The following THADA variants were observed in gnomAD, a reference collection of about 807,000 sequenced individuals.
The protein encoded by THADA is tRNA (32-2'-O)-methyltransferase regulator THADA.
In THADA, 213 loss-of-function variants were observed where a neutral mutation model predicts 219.8. The ratio of observed to expected loss-of-function variants is 0.97; its 90% CI spans 0.87 to 1.09. THADA has a LOEUF of 1.09. Ranked by LOEUF, THADA falls within the 50% of genes least tolerant of loss-of-function variation. The probability of loss-of-function intolerance (pLI) is 0.00; values close to 1 mark genes in which losing one functional copy is unlikely to be tolerated. For missense variants in THADA, 2,956 were observed against 2,311.3 expected, an observed-to-expected ratio of 1.28 and a Z score of -5.72; for synonymous variants, 1,018 against 828.9, an observed-to-expected ratio of 1.23 and a Z score of -3.92.
intron 36 of THADA, among the ~76,000 whole-genome samples, chr2:43,275,078 C>T (rs1024363956): frequency 3.4e-5 from 5 of 145,936 alleles, no homozygotes; most frequent in African/African-American, 1.3e-4. Context: ...CACTGCATTA[C>T]TGCGAAAATT....
At chr2:43,350,493 T>C (rs1668129740) in intron 29 of THADA, among the ~76,000 whole-genome samples, 1 of 152,260 alleles carries the variant, frequency 6.6e-6, no homozygotes. Flanking sequence ...GCATATTAAC[T>C]GAACCCCAAC....
intron 4 of THADA, among the ~76,000 whole-genome samples, chr2:43,590,022 GA>G (rs1312492014): frequency 1.3e-5 from 2 of 151,940 alleles, no homozygotes; most frequent in Non-Finnish European, 2.9e-5. Flanking sequence ...AAAAAAAGTA[GA>G]ATGTAACACA....
chr2:43,474,550 C>G (rs1685285087), intron 26 of THADA, among the ~76,000 whole-genome samples: 1 of 152,148 alleles, frequency 6.6e-6, no homozygotes, highest in Non-Finnish European at 1.5e-5. Context: ...TTGCAAACGT[C>G]TGTGCTGAAT....
chr2:43,489,471 C>T (rs1265485194), intron 25 of THADA, among the ~76,000 whole-genome samples: 1 of 152,046 alleles, frequency 6.6e-6, no homozygotes. Context: ...ATCCAAGGTA[C>T]AAAAATTTAC....
chr2:43,564,942 A>G (rs1303469689), intron 15 of THADA: 1 of 152,216 alleles, frequency 6.6e-6, no homozygotes, highest in Non-Finnish European at 1.5e-5. Flanking sequence ...TGCGTGATCT[A>G]GGATTGCTTC....
intron 37 of THADA, among the ~76,000 whole-genome samples, chr2:43,231,974 C>A (rs932407005): frequency 3.9e-5 from 6 of 152,090 alleles, no homozygotes; most frequent in Non-Finnish European, 2.9e-5. Flanking sequence ...TCCTCAGTTT[C>A]CCTATCTGTG....
intron 26 of THADA, among the ~76,000 whole-genome samples, chr2:43,480,991 C>G (rs1028534414): frequency 6.6e-6 from 1 of 152,138 alleles, no homozygotes; most frequent in African/African-American, 2.4e-5. Context: ...ACCCAATTGC[C>G]CTGCAGCTTT....
chr2:43,547,118 C>T (rs1696134086), intron 20 of THADA, among the ~76,000 whole-genome samples: 1 of 151,978 alleles, frequency 6.6e-6, no homozygotes, highest in Admixed American at 6.6e-5. Flanking sequence ...TTTTATTTCT[C>T]CTTCACTTAT....
intron 30 of THADA, among the ~76,000 whole-genome samples, chr2:43,327,397 G>A (rs1421961536): frequency 6.7e-6 from 1 of 148,224 alleles, no homozygotes; most frequent in East Asian, 2.1e-4. Context: ...TGGAAAGAAG[G>A]AAACCAGGTT....
At chr2:43,415,762 A>G (rs1676872549) in intron 28 of THADA, among the ~76,000 whole-genome samples, 1 of 152,080 alleles carries the variant, frequency 6.6e-6, no homozygotes, top group South Asian at 2.1e-4. Context: ...TGGGTCAGGC[A>G]AGGAGGAGGA....
chr2:43,518,610 T>A (rs946917707), intron 22 of THADA, among the ~76,000 whole-genome samples: 11 of 152,232 alleles, frequency 7.2e-5, no homozygotes, highest in Non-Finnish European at 1.3e-4. Context: ...GTTTGTACAC[T>A]TATGAACACA....
chr2:43,590,703 T>A, intron 4 of THADA, 121 bp downstream of exon 4: 3 of 850,526 alleles, frequency 3.5e-6, no homozygotes, highest in African/African-American at 1.8e-5. Flanking sequence ...GAACAAACCA[T>A]ATGAATGAAC....
intron 19 of THADA, among the ~76,000 whole-genome samples, chr2:43,549,630 T>A (rs981731942): frequency 2.0e-5 from 3 of 148,690 alleles, no homozygotes; most frequent in African/African-American, 7.5e-5. Context: ...AAGGCCACCA[T>A]GTCATCTACA....
At chr2:43,392,418 T>C (rs1212859674) in intron 29 of THADA, among the ~76,000 whole-genome samples, 2 of 152,210 alleles carry the variant, frequency 1.3e-5, no homozygotes, top group Non-Finnish European at 1.5e-5. Context: ...ACTGATTTTC[T>C]ACTTGCTTCC....
intron 15 of THADA, chr2:43,565,556 CA>C (rs1698566688): frequency 6.6e-6 from 1 of 152,084 alleles, no homozygotes. Flanking sequence ...TGATTTTCCC[CA>C]AATGAAGCAA....
intron 22 of THADA, among the ~76,000 whole-genome samples, chr2:43,526,959 A>C (rs1252435085): frequency 6.6e-6 from 1 of 152,224 alleles, no homozygotes; most frequent in East Asian, 1.9e-4. Context: ...GGAAACAAAA[A>C]GTTGAAAAGA....
intron 26 of THADA, among the ~76,000 whole-genome samples, chr2:43,467,014 C>A (rs893495442): frequency 2.0e-5 from 3 of 151,514 alleles, no homozygotes; most frequent in Non-Finnish European, 2.9e-5. Flanking sequence ...AACCCCGTCT[C>A]TACTAAAAAT....
chr2:43,446,251 G>A (rs530663638), intron 26 of THADA, among the ~76,000 whole-genome samples: 3 of 152,162 alleles, frequency 2.0e-5, no homozygotes, highest in Non-Finnish European at 4.4e-5. Context: ...TCCAAAGATG[G>A]TCAACAAACT....
intron 29 of THADA, among the ~76,000 whole-genome samples, chr2:43,395,517 A>C (rs1673920920): frequency 1.3e-5 from 2 of 152,224 alleles, no homozygotes; most frequent in Admixed American, 6.5e-5. Context: ...TAATGTATGT[A>C]ACACAGACTA....
Sources: allele counts gnomAD v4.1 joint callset (sites outside exome capture counted in the v4.1 genomes callset), GRCh38; gene constraint gnomAD v4.1.1; transcripts MANE v1.5; gene names NCBI Gene and HGNC (gene_info 2026-07-23, HGNC 2026-07-21).